Variants in PCSK5 observed in about 807,000 individuals in gnomAD.
PCSK5 encodes the protein proprotein convertase subtilisin/kexin type 5.
A neutral mutation model predicts 233.2 loss-of-function variants in PCSK5; 129 were observed. The ratio of observed to expected loss-of-function variants is 0.55; its 90% confidence interval spans 0.48 to 0.64. PCSK5 has a LOEUF of 0.64. PCSK5 is among the 30% of genes least tolerant of loss of function. PCSK5 has a pLI of 0.00. For synonymous variants in PCSK5, 825 were observed against 879.2 expected, an observed-to-expected ratio of 0.94 and a Z score of 1.09; for missense variants, 2,076 against 2,430.1, an observed-to-expected ratio of 0.85 and a Z score of 3.06.
chr9:75,969,100 C>T (rs2131360785), intron 2 of PCSK5, among the ~76,000 whole-genome samples: 2 of 152,250 alleles, frequency 1.3e-5, no homozygotes. Flanking sequence ...TCTAAGGCTA[C>T]TGCTAATTAC....
intron 10 of PCSK5, among the ~76,000 whole-genome samples, chr9:76,148,452 ATGT>A (rs1045181806): frequency 3.3e-5 from 5 of 151,560 alleles, no homozygotes; most frequent in Non-Finnish European, 5.9e-5. Flanking sequence ...TACAAGGATC[ATGT>A]CTTCACCAAA....
At chr9:75,979,257 A>G (rs1826166505) in intron 2 of PCSK5, among the ~76,000 whole-genome samples, 1 of 152,122 alleles carries the variant, frequency 6.6e-6, no homozygotes, top group South Asian at 2.1e-4. Context: ...ATGTTCATCA[A>G]AGCCGTCTAA....
intron 9 of PCSK5, among the ~76,000 whole-genome samples, chr9:76,133,378 A>C (rs1822838149): frequency 6.6e-6 from 1 of 152,046 alleles, no homozygotes; most frequent in South Asian, 2.1e-4. Flanking sequence ...CTGTGTGATT[A>C]TGATTAGCAT....
chr9:75,995,311 C>T (rs1826965152), intron 3 of PCSK5, among the ~76,000 whole-genome samples: 1 of 152,134 alleles, frequency 6.6e-6, no homozygotes, highest in South Asian at 2.1e-4. Context: ...CTTAGTGACT[C>T]ACACAGTTCC....
At chr9:76,296,480 A>G (rs1587845245) in intron 26 of PCSK5, among the ~76,000 whole-genome samples, 185 bp from the exon 27 acceptor site, 1 of 152,070 alleles carries the variant, frequency 6.6e-6, no homozygotes, top group Admixed American at 6.6e-5. Context: ...GAGGTGGAGG[A>G]TGCAGTGAGC....
At chr9:75,927,956 CT>C (rs952406412) in intron 1 of PCSK5, among the ~76,000 whole-genome samples, 3 of 152,116 alleles carry the variant, frequency 2.0e-5, no homozygotes, top group Non-Finnish European at 4.4e-5. Flanking sequence ...AACGCCTTTC[CT>C]AAGAACACAC....
At chr9:76,098,425 G>A (rs1045245817) in intron 8 of PCSK5, among the ~76,000 whole-genome samples, 19 of 152,222 alleles carry the variant, frequency 1.2e-4, no homozygotes, top group African/African-American at 4.1e-4. Context: ...TTAGAGAAAT[G>A]TTATAATCTA....
At chr9:76,085,908 T>G (rs150878215) in intron 7 of PCSK5, among the ~76,000 whole-genome samples, 2 of 152,320 alleles carry the variant, frequency 1.3e-5, no homozygotes, top group Non-Finnish European at 2.9e-5. Flanking sequence ...CCCTCTATCC[T>G]CCTTTCCAAG....
chr9:76,272,316 T>C (rs1827539931), intron 24 of PCSK5, among the ~76,000 whole-genome samples: 2 of 152,162 alleles, frequency 1.3e-5, no homozygotes, highest in Non-Finnish European at 2.9e-5. Flanking sequence ...TTCCCCCAGA[T>C]ACCACATCAG....
chr9:76,344,763 G>A (rs2842495), intron 35 of PCSK5, among the ~76,000 whole-genome samples: 77,177 of 151,888 alleles, frequency 0.51, 20,157 homozygotes, highest in Non-Finnish European at 0.57. Context: ...GAAATCTGAC[G>A]ACCCTAATTC....
chr9:76,081,948 A>T (rs1429512125), intron 7 of PCSK5, among the ~76,000 whole-genome samples: 1 of 152,022 alleles, frequency 6.6e-6, no homozygotes, highest in Non-Finnish European at 1.5e-5. Flanking sequence ...TACTTTCCAA[A>T]CTTCCCAGCT....
intron 2 of PCSK5, among the ~76,000 whole-genome samples, chr9:75,977,874 G>A (rs1305538335): frequency 5.3e-5 from 8 of 151,922 alleles, no homozygotes; most frequent in Non-Finnish European, 2.9e-5. Flanking sequence ...GCCTCCCAAA[G>A]TGCCGGGATT....
Position 75,891,050 on chromosome 9 carries a change from G to C in PCSK5, c.-132G>C, listed in dbSNP as rs1333688907. ...CTGCCGGGGCTAGCCGCCTCCTGCC[G>C]ATCGCCCGGGGCTGCGAGCTGCGGC... On this transcript the variant is annotated 5_prime_UTR_variant, in exon 1 of 38. Coordinates refer to ENST00000674117, the MANE Select transcript of PCSK5 (RefSeq NM_001372043.1). 2.5e-6 allele frequency: 2 copies of C among 804,034 alleles called. No homozygotes were observed. The highest frequency in any genetic ancestry group is 3.5e-6 in the Non-Finnish European group (2 of 572,078). The allele number at this position is 804,034 out of a possible 1,614,324, so 49.8% of individuals were successfully genotyped here. A position where few individuals can be genotyped will look rare whatever the true frequency, so the allele number is the denominator to read the frequency against.
At chr9:76,200,310 T>A (rs12235792) in intron 20 of PCSK5, among the ~76,000 whole-genome samples, 42,606 of 151,986 alleles carry the variant, frequency 0.28, 6,759 homozygotes, top group East Asian at 0.67. Context: ...AACCAGCTTG[T>A]TTGGGACCCA....
chr9:76,117,602 C>A (rs1832479382), intron 9 of PCSK5, among the ~76,000 whole-genome samples: 2 of 152,044 alleles, frequency 1.3e-5, no homozygotes, highest in Admixed American at 6.6e-5. Flanking sequence ...CACAACCAAG[C>A]CTTAATAGAA....
intron 5 of PCSK5, among the ~76,000 whole-genome samples, chr9:76,045,520 A>G (rs1030236144): frequency 2.0e-5 from 3 of 152,218 alleles, no homozygotes; most frequent in African/African-American, 7.2e-5. Flanking sequence ...TTAAAGTGGC[A>G]GAGGGAGAGG....
chr9:76,061,736 A>G (rs1411140627), intron 5 of PCSK5, among the ~76,000 whole-genome samples: 1 of 152,202 alleles, frequency 6.6e-6, no homozygotes, highest in Non-Finnish European at 1.5e-5. Context: ...GAATAATTCA[A>G]ATGTTTCTGA....
chr9:75,999,916 T>C (rs574387445), intron 3 of PCSK5, among the ~76,000 whole-genome samples: 10 of 152,142 alleles, frequency 6.6e-5, no homozygotes, highest in Admixed American at 1.3e-4. Context: ...AAAGCCAAAA[T>C]TGACAAACGG....
Position 76,360,811 on chromosome 9 carries a change from A to C in PCSK5, c.*1889A>C, listed in dbSNP as rs909317318. On this transcript the variant is annotated 3_prime_UTR_variant, in exon 38 of 38. Coordinates refer to ENST00000674117, the MANE Select transcript of PCSK5 (RefSeq NM_001372043.1). The stretch of plus-strand genomic sequence containing the variant: ...CTTCAATAAAACCTTATTTATGGAC[A>C]CTGACATTTGAAATTCAGGTAATTT... The C allele has an allele frequency of 2.6e-5, 4 of 152,198 alleles. No individual in the cohort carries two copies. Among genetic ancestry groups the C allele is most frequent in the African/African-American group, 9.6e-5 (4 of 41,458 alleles). 9.4% of individuals were successfully genotyped at this position (152,198 alleles called of 1,614,324 possible). A position where few individuals can be genotyped will look rare whatever the true frequency, so the allele number is the denominator to read the frequency against.
Sources: allele counts gnomAD v4.1 joint callset (sites outside exome capture counted in the v4.1 genomes callset), GRCh38; gene constraint gnomAD v4.1.1; transcripts MANE v1.5; gene names NCBI Gene and HGNC (gene_info 2026-07-23, HGNC 2026-07-21).